Variants in ZEB1 observed in about 807,000 individuals in gnomAD.
ZEB1 encodes the protein zinc finger E-box binding homeobox 1.
Under a neutral mutation model 84.9 loss-of-function variants are expected in ZEB1, and 21 were observed. The ratio of observed to expected loss-of-function variants is 0.25; its 90% CI spans 0.18 to 0.36. ZEB1 has a LOEUF of 0.36. Ranked by LOEUF, ZEB1 falls within the 10% of genes least tolerant of loss-of-function variation. The pLI, the probability that ZEB1 is intolerant of heterozygous loss-of-function variation, is 1.00. For synonymous variants in ZEB1, 420 were observed against 471.1 expected (o/e 0.89, Z 1.41); for missense variants, 1,104 against 1,330.2 (o/e 0.83, Z 2.65).
At chr10:31,509,167 G>A (rs2069513742) in intron 4 of ZEB1, among the ~76,000 whole-genome samples, 1 of 152,136 alleles carries the variant, frequency 6.6e-6, no homozygotes, top group Admixed American at 6.5e-5. Flanking sequence ...AAATAGTGCT[G>A]TGCTGTAGCT....
intron 2 of ZEB1, among the ~76,000 whole-genome samples, chr10:31,491,433 CTCT>C (rs2066506711): frequency 6.6e-6 from 1 of 151,850 alleles, no homozygotes; most frequent in Non-Finnish European, 1.5e-5. Flanking sequence ...GGCAATTTTT[CTCT>C]TCTTTGAGAC....
chr10:31,522,170 A>G (rs1042359031), intron 7 of ZEB1, among the ~76,000 whole-genome samples: 3 of 152,250 alleles, frequency 2.0e-5, no homozygotes, highest in Non-Finnish European at 4.4e-5. Context: ...CTACTGAAAG[A>G]TGATTTTTAA....
chr10:31,435,752 G>A (rs183441356), intron 1 of ZEB1, among the ~76,000 whole-genome samples: 1 of 152,318 alleles, frequency 6.6e-6, no homozygotes, highest in Admixed American at 6.5e-5. Context: ...AGCCTTGCAG[G>A]AATGATGGAA....
chr10:31,428,798 A>G (rs1169217586), intron 1 of ZEB1, among the ~76,000 whole-genome samples: 1 of 152,210 alleles, frequency 6.6e-6, no homozygotes, highest in Non-Finnish European at 1.5e-5. Context: ...AACCTTTACC[A>G]TTGTATAATG....
At position 31,408,228 on chromosome 10, in the gene ZEB1, G is replaced by C. The variant is rs1346908838; in HGVS notation, c.59-52809G>C. 7.0e-3 allele frequency among the ~76,000 whole-genome samples: 1,049 copies of C among 149,698 alleles called. 6 individuals carry two copies. The highest frequency in any genetic ancestry group is 0.024 in the African/African-American group (978 of 40,424). On this transcript the variant is annotated intron_variant, in intron 1 of 8. Coordinates refer to ENST00000424869, the MANE Select transcript of ZEB1 (RefSeq NM_001174096.2). The stretch of plus-strand genomic sequence containing the variant: ...CTTCAAGGAGAACTACAAACCACTG[G>C]TCAAGGAAATAAAAGAGGATACAAA...
intron 4 of ZEB1, among the ~76,000 whole-genome samples, chr10:31,510,031 T>G (rs1044891908): frequency 6.6e-6 from 1 of 152,118 alleles, no homozygotes; most frequent in East Asian, 1.9e-4. Context: ...GGGTCATGCA[T>G]GGGATGTGTT....
intron 1 of ZEB1, among the ~76,000 whole-genome samples, chr10:31,377,276 C>G (rs555735045): frequency 2.4e-4 from 37 of 151,530 alleles, no homozygotes; most frequent in Non-Finnish European, 4.0e-4. Context: ...AAGAATTATG[C>G]TATCCTTCTA....
At chr10:31,374,156 T>G (rs1008126619) in intron 1 of ZEB1, among the ~76,000 whole-genome samples, 42 of 151,962 alleles carry the variant, frequency 2.8e-4, no homozygotes, top group African/African-American at 9.9e-4. Context: ...TAGATTATAA[T>G]TCTGTTAACC....
intron 2 of ZEB1, among the ~76,000 whole-genome samples, chr10:31,476,140 A>G (rs2064140057): frequency 6.6e-6 from 1 of 152,090 alleles, no homozygotes; most frequent in Non-Finnish European, 1.5e-5. Context: ...GAGACCAAAA[A>G]AAAATGATGA....
chr10:31,431,388 T>A (rs1225749483), intron 1 of ZEB1, among the ~76,000 whole-genome samples: 1 of 152,194 alleles, frequency 6.6e-6, no homozygotes, highest in Non-Finnish European at 1.5e-5. Flanking sequence ...CAATCATTCA[T>A]TATACTATAA....
intron 1 of ZEB1, among the ~76,000 whole-genome samples, chr10:31,365,460 TTAAAAAA>T (rs2044274054): frequency 6.6e-6 from 1 of 152,198 alleles, no homozygotes; most frequent in South Asian, 2.1e-4. Context: ...AGGCAAGAAG[TTAAAAAA>T]TAAAAAAATA....
chr10:31,339,047 A>T (rs915361157), intron 1 of ZEB1, among the ~76,000 whole-genome samples: 1 of 152,210 alleles, frequency 6.6e-6, no homozygotes, highest in African/African-American at 2.4e-5. Flanking sequence ...GTGAGGCACC[A>T]GGCAAAGAGA....
intron 1 of ZEB1, among the ~76,000 whole-genome samples, chr10:31,374,574 A>G (rs1411892993): frequency 6.6e-6 from 1 of 151,786 alleles, no homozygotes; most frequent in African/African-American, 2.4e-5. Context: ...ACACACTGCA[A>G]CTGGAACCAA....
intron 8 of ZEB1, among the ~76,000 whole-genome samples, chr10:31,524,834 C>A (rs1238791355): frequency 6.6e-6 from 1 of 152,016 alleles, no homozygotes. Context: ...GGCAAGCTGT[C>A]CTGGCAAGTC....
intron 1 of ZEB1, among the ~76,000 whole-genome samples, chr10:31,370,929 G>A (rs2045587204): frequency 6.6e-6 from 1 of 152,044 alleles, no homozygotes; most frequent in South Asian, 2.1e-4. Context: ...TTGTTGCCAA[G>A]GCTGGTCTGA....
intron 1 of ZEB1, among the ~76,000 whole-genome samples, chr10:31,347,719 T>A (rs949401620): frequency 3.9e-5 from 6 of 152,136 alleles, no homozygotes; most frequent in South Asian, 2.1e-4. Flanking sequence ...ATTAAAAAAA[T>A]TTTAAAACAA....
chr10:31,382,844 C>T (rs1412205818), intron 1 of ZEB1, among the ~76,000 whole-genome samples: 1 of 151,610 alleles, frequency 6.6e-6, no homozygotes, highest in Non-Finnish European at 1.5e-5. Context: ...GATTATAATA[C>T]ATAAGTGAGA....
At chr10:31,420,632 T>C (rs1018579170) in intron 1 of ZEB1, among the ~76,000 whole-genome samples, 1 of 152,126 alleles carries the variant, frequency 6.6e-6, no homozygotes, top group African/African-American at 2.4e-5. Context: ...TAATTACATA[T>C]GCAGAATCAC....
intron 1 of ZEB1, chr10:31,319,515 C>G (rs1589879742): frequency 3.5e-6 from 2 of 570,302 alleles, no homozygotes; most frequent in East Asian, 6.1e-5. Context: ...TGTCTCTTAC[C>G]TGGTCTCTCT....
Sources: allele counts gnomAD v4.1 joint callset (sites outside exome capture counted in the v4.1 genomes callset), GRCh38; gene constraint gnomAD v4.1.1; transcripts MANE v1.5; gene names NCBI Gene and HGNC (gene_info 2026-07-23, HGNC 2026-07-21).